Variants in ABL1 observed in about 807,000 individuals in gnomAD.
ABL1 encodes the protein ABL proto-oncogene 1, non-receptor tyrosine kinase.
ABL1 carries 11 observed loss-of-function variants against 94.7 expected under a neutral mutation model. That is an observed-to-expected ratio of 0.12 (90% CI 0.07 to 0.19). The LOEUF is 0.19. ABL1 is among the 10% of genes least tolerant of loss of function. The pLI is 1.00. For synonymous variants in ABL1, 656 were observed against 622.4 expected (o/e 1.05, Z -0.80); for missense variants, 1,082 against 1,489.4 (o/e 0.73, Z 4.50).
At chr9:130,847,112 G>GT (rs1830785477) in intron 1 of ABL1, among the ~76,000 whole-genome samples, 1 of 151,996 alleles carries the variant, frequency 6.6e-6, no homozygotes, top group African/African-American at 2.4e-5. Flanking sequence ...TTTTTTCTGA[G>GT]TTTAGTTGGT....
At chr9:130,855,237 G>C (rs542387518) in intron 3 of ABL1, 141 bp downstream of exon 3, 1 of 936,396 alleles carries the variant, frequency 1.1e-6, no homozygotes, top group South Asian at 1.7e-5. Flanking sequence ...CATTCCATTA[G>C]CCTTATGAAG....
At chr9:130,720,615 G>A (rs903265546) in intron 1 of ABL1, among the ~76,000 whole-genome samples, 2 of 152,164 alleles carry the variant, frequency 1.3e-5, no homozygotes, top group African/African-American at 4.8e-5. Context: ...CATATGATGT[G>A]GGAAGGCCTT....
chr9:130,867,937 G>GTTT lies in ABL1; in HGVS notation c.823-4181_823-4179dup, dbSNP rs34124714. On this transcript the variant is annotated intron_variant, in intron 4 of 10. Transcript: ENST00000318560. ...TCAGTCTAACTCTATCCCTCCAGTG[G>GTTT]TTTTTTTTTTTTTGCTTTTTGTTTT... 9.4e-3 allele frequency among the ~76,000 whole-genome samples: 1,334 copies of GTTT among 141,314 alleles called. 17 individuals carry two copies. Among genetic ancestry groups the GTTT allele is most frequent in the African/African-American group, 0.032 (1,238 of 38,684 alleles). 92.7% of individuals were successfully genotyped at this position (141,314 alleles called of 152,430 possible).
At chr9:130,846,091 G>A (rs1564309168) in intron 1 of ABL1, among the ~76,000 whole-genome samples, 1 of 150,894 alleles carries the variant, frequency 6.6e-6, no homozygotes, top group East Asian at 1.9e-4. Context: ...CTGTGTGTGT[G>A]TGTGTGTGTG....
At chr9:130,717,273 C>T (rs1367484777) in intron 1 of ABL1, among the ~76,000 whole-genome samples, 1 of 152,228 alleles carries the variant, frequency 6.6e-6, no homozygotes, top group East Asian at 1.9e-4. Context: ...GAACTCCTGA[C>T]TTCAAATGAT....
chr9:130,881,909 G>GC (rs905728228), intron 10 of ABL1, among the ~76,000 whole-genome samples: 1 of 151,540 alleles, frequency 6.6e-6, no homozygotes, highest in Non-Finnish European at 1.5e-5. Context: ...AGAACATGCA[G>GC]CCCATATATA....
intron 1 of ABL1, among the ~76,000 whole-genome samples, chr9:130,742,828 C>T (rs567761318): frequency 2.0e-5 from 3 of 151,806 alleles, no homozygotes; most frequent in East Asian, 3.9e-4. Context: ...TATTAAGATA[C>T]TTTATATTAT....
At chr9:130,748,976 C>T (rs1831922068) in intron 1 of ABL1, among the ~76,000 whole-genome samples, 1 of 152,180 alleles carries the variant, frequency 6.6e-6, no homozygotes. Flanking sequence ...TCCCAGCCCT[C>T]AGCCATGACC....
chr9:130,871,574 G>A (rs1364920580), intron 4 of ABL1, among the ~76,000 whole-genome samples: 2 of 152,194 alleles, frequency 1.3e-5, no homozygotes, highest in Middle Eastern at 3.2e-3. Context: ...AAGAGCCCAC[G>A]ACCACGTGCC....
chr9:130,871,276 G>A (rs1459530510), intron 4 of ABL1, among the ~76,000 whole-genome samples: 1 of 152,180 alleles, frequency 6.6e-6, no homozygotes, highest in Non-Finnish European at 1.5e-5. Context: ...AGTGATGTAG[G>A]CCAAGGTCAA....
chr9:130,746,680 G>T (rs1338771892), intron 1 of ABL1, among the ~76,000 whole-genome samples: 1 of 151,896 alleles, frequency 6.6e-6, no homozygotes, highest in Non-Finnish European at 1.5e-5. Context: ...TCATTCATCT[G>T]TTGAGGATGT....
At chr9:130,715,701 T>TTTTGGAGAGCTTTGGCGGAAC (rs1224675845) in intron 1 of ABL1, among the ~76,000 whole-genome samples, 1 of 152,156 alleles carries the variant, frequency 6.6e-6, no homozygotes, top group East Asian at 1.9e-4. Context: ...GGAACAGACT[T>TTTTGGAGAGCTTTGGCGGAAC]TTTGGAGAGC....
At chr9:130,789,963 A>G (rs897766816) in intron 1 of ABL1, among the ~76,000 whole-genome samples, 1 of 152,244 alleles carries the variant, frequency 6.6e-6, no homozygotes, top group African/African-American at 2.4e-5. Context: ...TTCCAGAAGA[A>G]GATACTACAG....
rs537675831 is a variant in ABL1, at chr9:130,721,659, G to C, written c.136+7204G>C. 1.2e-4 allele frequency among the ~76,000 whole-genome samples: 19 copies of C among 152,232 alleles called. 2 individuals are homozygous for C. In the South Asian group the frequency reaches 3.9e-3, roughly 32 times the overall value. On this transcript the variant is annotated intron_variant, in intron 1 of 10. Transcript: ENST00000372348. Reference sequence around the variant, plus strand: ...TGGGAAGCCAAGGCTGCAGTGAGCTGTGATGGTGCTATTGCACTCCAATCT... The same window carrying C: ...TGGGAAGCCAAGGCTGCAGTGAGCTCTGATGGTGCTATTGCACTCCAATCT...
intron 1 of ABL1, among the ~76,000 whole-genome samples, chr9:130,852,532 G>C (rs759917082): frequency 6.6e-6 from 1 of 152,106 alleles, no homozygotes; most frequent in Non-Finnish European, 1.5e-5. Flanking sequence ...TTAAATTGTA[G>C]TTCCTTAAAT....
Position 130,715,009 on chromosome 9 carries a change from G to A in ABL1, c.136+554G>A, listed in dbSNP as rs543678108. 4.6e-5 allele frequency among the ~76,000 whole-genome samples: 7 copies of A among 152,318 alleles called. No homozygotes were observed. In the East Asian group the frequency reaches 1.2e-3, roughly 25 times the overall value. On this transcript the variant is annotated intron_variant, in intron 1 of 10. Coordinates refer to the ABL1 transcript ENST00000372348. ...GTGGGAAAAATCAAGTGGGGAAGCAGCATTCCTTGTGAATTTTAGATAGAC... is the reference window on the plus strand; with the variant it reads ...GTGGGAAAAATCAAGTGGGGAAGCAACATTCCTTGTGAATTTTAGATAGAC...
intron 1 of ABL1, among the ~76,000 whole-genome samples, chr9:130,809,289 A>T (rs1464832351): frequency 6.6e-6 from 1 of 151,914 alleles, no homozygotes; most frequent in East Asian, 1.9e-4. Flanking sequence ...CAGGGCCAGA[A>T]ATAGTTCCTG....
intron 1 of ABL1, among the ~76,000 whole-genome samples, chr9:130,755,983 G>C (rs946460224): frequency 1.3e-5 from 2 of 152,030 alleles, no homozygotes; most frequent in African/African-American, 4.8e-5. Flanking sequence ...ACAGAGAAAA[G>C]TTGATTACAC....
At chr9:130,834,737 T>C, upstream of ABL1, 1 of 401,322 alleles carries the variant, frequency 2.5e-6, no homozygotes, top group Non-Finnish European at 5.1e-6. Flanking sequence ...CGTGCGCACG[T>C]GTGGTTGTCC....
Sources: allele counts gnomAD v4.1 joint callset (sites outside exome capture counted in the v4.1 genomes callset), GRCh38; gene constraint gnomAD v4.1.1; transcripts MANE v1.5; gene names NCBI Gene and HGNC (gene_info 2026-07-23, HGNC 2026-07-21).